The following KCTD8 variants were observed in gnomAD, a reference collection of about 807,000 sequenced individuals.
The protein encoded by KCTD8 is BTB/POZ domain-containing protein KCTD8.
In KCTD8, 27 loss-of-function variants were observed where a neutral mutation model predicts 31.5. The ratio of observed to expected loss-of-function variants is 0.86; its 90% confidence interval spans 0.63 to 1.18. The LOEUF (loss-of-function observed/expected upper bound fraction) is 1.18. Ranked by LOEUF, KCTD8 falls within the 50% of genes most tolerant of loss-of-function variation. The pLI, the probability that KCTD8 is intolerant of heterozygous loss-of-function variation, is 0.00. For missense variants in KCTD8, 658 were observed against 647.7 expected (o/e 1.02, Z -0.17); for synonymous variants, 290 against 280.0 (o/e 1.04, Z -0.36).
At chr4:44,292,420 C>T (rs2109386211) in intron 1 of KCTD8, among the ~76,000 whole-genome samples, 1 of 151,842 alleles carries the variant, frequency 6.6e-6, no homozygotes, top group Admixed American at 6.6e-5. Context: ...GGAGTGAAAC[C>T]CTGACTACAC....
At chr4:44,327,724 C>T (rs1718485694) in intron 1 of KCTD8, among the ~76,000 whole-genome samples, 1 of 151,886 alleles carries the variant, frequency 6.6e-6, no homozygotes, top group Admixed American at 6.6e-5. Flanking sequence ...TTTCCACCAT[C>T]TAGCTGTATG....
rs529650165 is a variant in KCTD8, at chr4:44,305,529, T to C, written c.962-130279A>G. Reference sequence around the variant, plus strand: ...GGATGATATAAAACTTATAAACTCATATATATCTAATATATAGTATGAAAA... The same window carrying C: ...GGATGATATAAAACTTATAAACTCACATATATCTAATATATAGTATGAAAA... On this transcript the variant is annotated intron_variant, in intron 1 of 1. Transcript: ENST00000360029. Among the ~76,000 whole-genome samples, 4 of 151,854 alleles carry C rather than the reference T, an allele frequency of 2.6e-5. No homozygotes were observed. In the South Asian group the frequency reaches 8.3e-4, roughly 31 times the overall value.
At chr4:44,439,332 A>C (rs1721757531) in intron 1 of KCTD8, among the ~76,000 whole-genome samples, 1 of 152,064 alleles carries the variant, frequency 6.6e-6, no homozygotes, top group South Asian at 2.1e-4. Flanking sequence ...AGTTTCTTCC[A>C]TTTTATTTGC....
At chr4:44,384,589 A>T (rs1405449735) in intron 1 of KCTD8, among the ~76,000 whole-genome samples, 2 of 151,846 alleles carry the variant, frequency 1.3e-5, no homozygotes, top group Admixed American at 1.3e-4. Flanking sequence ...GCTCTCATAT[A>T]AGTAGAGAGT....
intron 1 of KCTD8, among the ~76,000 whole-genome samples, chr4:44,394,093 T>G (rs1275924219): frequency 6.6e-6 from 1 of 152,000 alleles, no homozygotes; most frequent in African/African-American, 2.4e-5. Flanking sequence ...GTGCTGAAAA[T>G]AATACTTATT....
intron 1 of KCTD8, among the ~76,000 whole-genome samples, chr4:44,252,793 C>T (rs766193198): frequency 6.6e-6 from 1 of 151,552 alleles, no homozygotes; most frequent in Non-Finnish European, 1.5e-5. Flanking sequence ...ATGTCTTATG[C>T]TTTTCTTTTT....
chr4:44,343,062 C>G (rs1718947150), intron 1 of KCTD8, among the ~76,000 whole-genome samples: 2 of 152,336 alleles, frequency 1.3e-5, no homozygotes, highest in South Asian at 4.1e-4. Context: ...TGCACTTTTA[C>G]TTTCCTTCAA....
At chr4:44,301,419 T>A (rs1285130237) in intron 1 of KCTD8, among the ~76,000 whole-genome samples, 1 of 152,224 alleles carries the variant, frequency 6.6e-6, no homozygotes, top group African/African-American at 2.4e-5. Context: ...CTAACTGGCG[T>A]GAGATGTTAT....
chr4:44,252,778 C>T (rs974794537), intron 1 of KCTD8, among the ~76,000 whole-genome samples: 4 of 151,714 alleles, frequency 2.6e-5, no homozygotes, highest in African/African-American at 9.7e-5. Flanking sequence ...TACAATCACA[C>T]ATAAATGTCT....
At chr4:44,399,502 G>A (rs770883898) in intron 1 of KCTD8, among the ~76,000 whole-genome samples, 3 of 152,148 alleles carry the variant, frequency 2.0e-5, no homozygotes, top group Non-Finnish European at 2.9e-5. Flanking sequence ...TAACTCAGAG[G>A]TGGACGAGTT....
intron 1 of KCTD8, among the ~76,000 whole-genome samples, chr4:44,289,686 G>A (rs1717211971): frequency 6.6e-6 from 1 of 152,124 alleles, no homozygotes; most frequent in African/African-American, 2.4e-5. Context: ...TAACTGGTGG[G>A]GGTGTGTGGG....
intron 1 of KCTD8, among the ~76,000 whole-genome samples, chr4:44,193,510 C>A (rs1465302374): frequency 6.6e-6 from 1 of 152,074 alleles, no homozygotes; most frequent in Non-Finnish European, 1.5e-5. Context: ...TAATTTCAAG[C>A]CCTTAAGGAT....
At chr4:44,444,276 G>A (rs1172111667) in intron 1 of KCTD8, among the ~76,000 whole-genome samples, 2 of 152,124 alleles carry the variant, frequency 1.3e-5, no homozygotes, top group Non-Finnish European at 2.9e-5. Context: ...ATCGGAAATG[G>A]GTTCTGTTGG....
chr4:44,416,998 T>A (rs1484022505), intron 1 of KCTD8, among the ~76,000 whole-genome samples: 5 of 152,328 alleles, frequency 3.3e-5, no homozygotes, highest in East Asian at 1.9e-4. Flanking sequence ...CAATCTTTTT[T>A]AATTTTCAAA....
chr4:44,298,468 G>A (rs1288448331), intron 1 of KCTD8, among the ~76,000 whole-genome samples: 2 of 151,826 alleles, frequency 1.3e-5, no homozygotes, highest in Non-Finnish European at 2.9e-5. Flanking sequence ...GGGGGAAAAG[G>A]AGAAGAAAGC....
At chr4:44,200,112 G>A (rs1189797218) in intron 1 of KCTD8, among the ~76,000 whole-genome samples, 1 of 151,470 alleles carries the variant, frequency 6.6e-6, no homozygotes, top group Non-Finnish European at 1.5e-5. Context: ...CAGGAAGAAA[G>A]TGAAAACCTG....
intron 1 of KCTD8, among the ~76,000 whole-genome samples, chr4:44,298,035 T>C (rs1159455809): frequency 6.6e-6 from 1 of 152,184 alleles, no homozygotes; most frequent in Non-Finnish European, 1.5e-5. Flanking sequence ...ACCTTAGTTA[T>C]CTCTCTGTCG....
chr4:44,290,820 G>A (rs538614527), intron 1 of KCTD8, among the ~76,000 whole-genome samples: 1 of 151,930 alleles, frequency 6.6e-6, no homozygotes, highest in South Asian at 2.1e-4. Context: ...GAGTATTAAG[G>A]GGAAAGTTTA....
chr4:44,241,460 CA>C (rs958867567), intron 1 of KCTD8, among the ~76,000 whole-genome samples: 2 of 152,220 alleles, frequency 1.3e-5, no homozygotes, highest in African/African-American at 4.8e-5. Context: ...CTCTATTTCA[CA>C]GAATGTGGAA....
Sources: gnomAD v4.1 joint callset for allele counts (sites outside exome capture counted in the v4.1 genomes callset) on GRCh38, gnomAD v4.1.1 for gene constraint, MANE v1.5 for transcripts, NCBI Gene and HGNC (gene_info 2026-07-23, HGNC 2026-07-21) for gene names.